The following MEGF6 variants were observed in gnomAD, a reference collection of about 807,000 sequenced individuals.
The protein encoded by MEGF6 is multiple EGF like domains 6, also known as multiple epidermal growth factor-like domains protein 6.
Under a neutral mutation model 207.1 loss-of-function variants are expected in MEGF6, and 184 were observed. That is an observed-to-expected ratio of 0.89 (90% CI 0.79 to 1.00). The LOEUF (loss-of-function observed/expected upper bound fraction) is 1.00. MEGF6 is among the 50% of genes least tolerant of loss of function. The pLI, the probability that MEGF6 is intolerant of heterozygous loss-of-function variation, is 0.00. For missense variants in MEGF6, 2,282 were observed against 2,202.9 expected, an observed-to-expected ratio of 1.04 and a Z score of -0.72; for synonymous variants, 1,038 against 910.0, an observed-to-expected ratio of 1.14 and a Z score of -2.53.
chr1:3,515,531 G>A lies in MEGF6; in HGVS notation c.605-4C>T. ...CCCAGGGCGCAGGAGTTAATGGCTG[G>A]GGACACAGGGAGGACCCCAAGTCAG... is the stretch of plus-strand genomic sequence containing the variant. On this transcript the variant is annotated splice_region_variant and splice_polypyrimidine_tract_variant and intron_variant, in intron 5 of 36. Transcript: ENST00000356575. 6.2e-7 allele frequency: 1 copy of A among 1,610,892 alleles called. No homozygotes were observed.
chr1:3,594,110 A>G lies in MEGF6; in HGVS notation c.376+1228T>C, dbSNP rs574683368. ...TGTTCCTGTCACCGGAGCCCAGGGG[A>G]GCCCACTGTCCATTAAACCTCAACG... On this transcript the variant is annotated intron_variant, in intron 3 of 36. Coordinates refer to ENST00000356575, the MANE Select transcript of MEGF6 (RefSeq NM_001409.4). The surrounding 1 kb of genome is among the most constrained non-coding windows in gnomAD (Gnocchi z 4.2). 1.2e-4 allele frequency among the ~76,000 whole-genome samples: 19 copies of G among 152,244 alleles called. No homozygotes were observed. The East Asian group carries it at 3.7e-3, about 29-fold the overall frequency.
Position 3,560,510 on chromosome 1 carries a change from T to C in MEGF6, c.481+19315A>G, listed in dbSNP as rs1276573774. 3.3e-5 allele frequency among the ~76,000 whole-genome samples: 5 copies of C among 152,168 alleles called. No individual in the cohort carries two copies. Among genetic ancestry groups the C allele is most frequent in the Admixed American group, 2.6e-4 (4 of 15,276 alleles). ...TGGCACCTCTGCTGTCTCTACGGTG[T>C]GGCCTTTCCCAGCAGTGTGTGGCCT... On this transcript the variant is annotated intron_variant, in intron 4 of 36. Coordinates refer to ENST00000356575, the MANE Select transcript of MEGF6 (RefSeq NM_001409.4). The surrounding 1 kb of genome is among the most constrained non-coding windows in gnomAD (Gnocchi z 4.0).
upstream of MEGF6, among the ~76,000 whole-genome samples, chr1:3,612,310 CTAGGGTG>C (rs1644339511): frequency 1.3e-5 from 2 of 151,872 alleles, no homozygotes; most frequent in African/African-American, 2.4e-5. Context: ...GAGGCACTGT[CTAGGGTG>C]CTAACTTCTA....
Position 3,579,852 on chromosome 1 carries a change from CG to C in MEGF6, c.453del (p.Gly152AlafsTer26), listed in dbSNP as rs1570181455. 15 of 1,538,378 alleles carry C rather than the reference CG, an allele frequency of 9.8e-6. No homozygotes were observed. Among genetic ancestry groups the C allele is most frequent in the Middle Eastern group, 1.8e-4 (1 of 5,420 alleles). ...TACTGACAGCGGGGTCCCTGGAAGC[CG>C]GGGGGACAGTGACACGGCTGGGCTG... ...PGSAQPCHCP[P>X]GFQGPRCQYD... On this transcript the variant is annotated frameshift_variant, in exon 4 of 37. Transcript: ENST00000356575. LOFTEE classifies it high-confidence loss of function.
intron 10 of MEGF6, 133 bp from the exon 11 acceptor site, chr1:3,510,125 A>G (rs938208699): frequency 1.6e-6 from 2 of 1,254,564 alleles, no homozygotes; most frequent in African/African-American, 3.1e-5. Flanking sequence ...CTCTTCAACC[A>G]GCCAGTAAAA....
intron 13 of MEGF6, among the ~76,000 whole-genome samples, chr1:3,508,246 CCTCA>C (rs1454402133): frequency 1.3e-5 from 2 of 152,208 alleles, no homozygotes. Context: ...AGCAGACACC[CCTCA>C]CTGTCTTAGT....
intron 4 of MEGF6, among the ~76,000 whole-genome samples, chr1:3,546,596 T>G (rs1474392781): frequency 2.8e-5 from 2 of 70,270 alleles, no homozygotes; most frequent in African/African-American, 5.6e-5. Flanking sequence ...GGGGTGGCAG[T>G]GGGCTGGGAA....
At chr1:3,537,042 CTGAA>C (rs1307640118) in intron 4 of MEGF6, among the ~76,000 whole-genome samples, 1 of 152,270 alleles carries the variant, frequency 6.6e-6, no homozygotes. Context: ...GCCCTGGCCT[CTGAA>C]TGCAGAGCTA....
chr1:3,501,838 AC>A lies in MEGF6; in HGVS notation c.2271del (p.Gln757HisfsTer215). On this transcript the variant is annotated frameshift_variant, in exon 18 of 37. Coordinates refer to ENST00000356575, the MANE Select transcript of MEGF6 (RefSeq NM_001409.4). LOFTEE classifies it high-confidence loss of function. ...CCAGTCCTCCCCGGCGGACACCGGC[AC>A]TGCCCCGTGACCCCGTGGCAGGGGG... ...GGAPCHGVTG[Q>X]CRCPPGRTGE... 1 of 1,608,452 alleles carries A rather than the reference AC, an allele frequency of 6.2e-7. No homozygotes were observed. Among genetic ancestry groups the A allele is most frequent in the Non-Finnish European group, 8.5e-7 (1 of 1,178,538 alleles).
In MEGF6 at chr1:3,489,570, A is replaced by G. The variant is rs1296803446; in HGVS notation, c.*958T>C. On this transcript the variant is annotated 3_prime_UTR_variant, in exon 37 of 37. Coordinates refer to ENST00000356575, the MANE Select transcript of MEGF6 (RefSeq NM_001409.4). ...CACCCAGGGAGTCCCTGCCCCTGCG[A>G]TGCTGCCCTCCCCCCACTGCTGATG... is the stretch of plus-strand genomic sequence containing the variant. 6.6e-6 allele frequency among the ~76,000 whole-genome samples: 1 copy of G among 152,110 alleles called. No individual in the cohort carries two copies. The highest frequency in any genetic ancestry group is 1.5e-5 in the Non-Finnish European group (1 of 68,014).
At chr1:3,527,756 T>C (rs971715175) in intron 4 of MEGF6, among the ~76,000 whole-genome samples, 1 of 151,978 alleles carries the variant, frequency 6.6e-6, no homozygotes, top group African/African-American at 2.4e-5. Context: ...AGGAGACCCT[T>C]TCCCCCTGAG....
rs181413545 is a variant in MEGF6 at position 3,500,517 on chromosome 1, C to T, written c.2707+116G>A. The stretch of plus-strand genomic sequence containing the variant: ...CAGGAGGGGGCGCGGCCAAAGGCTT[C>T]GTGTGTGTGCGTGCAGGAGGGAGTA... On this transcript the variant is annotated intron_variant, in intron 21 of 36. Transcript: ENST00000356575. 596 of 1,396,988 alleles carry T rather than the reference C, an allele frequency of 4.3e-4. 2 individuals carry two copies. The African/African-American group carries it at 7.6e-3, about 18-fold the overall frequency. The allele number at this position is 1,396,988 out of a possible 1,614,324, so 86.5% of individuals were successfully genotyped here. A position where few individuals can be genotyped will look rare whatever the true frequency, so the allele number is the denominator to read the frequency against.
intron 4 of MEGF6, among the ~76,000 whole-genome samples, chr1:3,527,670 A>G (rs919271006): frequency 1.1e-4 from 17 of 152,142 alleles, no homozygotes; most frequent in African/African-American, 3.4e-4. Flanking sequence ...GTGCCCTCCA[A>G]TGAGAGTCAG....
chr1:3,511,692 C>A lies in MEGF6; in HGVS notation c.977-5G>T, dbSNP rs534718450. On this transcript the variant is annotated splice_polypyrimidine_tract_variant and splice_region_variant and intron_variant, in intron 8 of 36. Coordinates refer to ENST00000356575, the MANE Select transcript of MEGF6 (RefSeq NM_001409.4). ...TCACGATTTCCATCTCAATCCCTGC[C>A]GTGAGACCAGCCACCCAGGGTATGG... 3 of 1,601,228 alleles carry A rather than the reference C, an allele frequency of 1.9e-6. No homozygotes were observed. Among genetic ancestry groups the A allele is most frequent in the African/African-American group, 1.3e-5 (1 of 74,704 alleles).
Position 3,509,084 on chromosome 1 carries a change from C to A in MEGF6, c.1519G>T (p.Glu507Ter). The A allele has an allele frequency of 6.3e-7, 1 of 1,594,594 alleles. No homozygotes were observed. Among genetic ancestry groups the A allele is most frequent in the Non-Finnish European group, 8.5e-7 (1 of 1,171,960 alleles). ...AELRGEHTLTEKFVCLDDSFG... is the reference protein window; with the variant it reads ...AELRGEHTLT ...CTGGGCCCGCGCTCACCAAACTTCTCTGTGAGCGTGTGTTCGCCCCGCAAC... is the reference window on the plus strand; with the variant it reads ...CTGGGCCCGCGCTCACCAAACTTCTATGTGAGCGTGTGTTCGCCCCGCAAC... Residue 507 changes from glutamate (E) to a stop codon, truncating the protein, a stop_gained, in exon 12 of 37, where the codon GAG becomes TAG. Transcript: ENST00000356575. LOFTEE classifies it high-confidence loss of function.
intron 4 of MEGF6, among the ~76,000 whole-genome samples, chr1:3,567,114 G>T (rs1024169671): frequency 6.6e-6 from 1 of 152,238 alleles, no homozygotes; most frequent in Non-Finnish European, 1.5e-5. Flanking sequence ...AGCCCTGGTC[G>T]CACGGTGCTG....
At chr1:3,586,725 G>A (rs769259892) in intron 3 of MEGF6, among the ~76,000 whole-genome samples, 2 of 152,202 alleles carry the variant, frequency 1.3e-5, no homozygotes, top group Non-Finnish European at 2.9e-5. Context: ...AGGGCGGCCC[G>A]GGGTCCACAG....
intron 1 of MEGF6, among the ~76,000 whole-genome samples, chr1:3,604,490 G>T (rs76372797): frequency 6.6e-6 from 1 of 152,170 alleles, no homozygotes; most frequent in Non-Finnish European, 1.5e-5. Flanking sequence ...ACCCAGGGCA[G>T]GTGGAAAGGC....
rs113796753 is a variant in MEGF6, at chr1:3,605,858, C to T, written c.132-3258G>A. Reference sequence around the variant, plus strand: ...TGGCCCTCCTGTCAGGGGCGGAGGCCGTGCCCACTCTCTCCAGGTTCCAGG... The same window carrying T: ...TGGCCCTCCTGTCAGGGGCGGAGGCTGTGCCCACTCTCTCCAGGTTCCAGG... On this transcript the variant is annotated intron_variant, in intron 1 of 36. Coordinates refer to ENST00000356575, the MANE Select transcript of MEGF6 (RefSeq NM_001409.4). Among the ~76,000 whole-genome samples, 368 of 152,274 alleles carry T rather than the reference C, an allele frequency of 2.4e-3. 3 individuals are homozygous for T. The highest frequency in any genetic ancestry group is 5.7e-3 in the African/African-American group (238 of 41,538).
Sources: gnomAD v4.1 joint callset for allele counts (sites outside exome capture counted in the v4.1 genomes callset) on GRCh38, gnomAD v4.1.1 for gene constraint, Gnocchi (gnomAD v3.1) non-coding constraint, MANE v1.5 for transcripts, NCBI Gene and HGNC (gene_info 2026-07-23, HGNC 2026-07-21) for gene names.